CDK14: variants seen among roughly 807,000 people sequenced by gnomAD.
CDK14 encodes cyclin dependent kinase 14.
In CDK14, 34 loss-of-function variants were observed where a neutral mutation model predicts 60.7. That is an observed-to-expected ratio of 0.56 (90% CI 0.43 to 0.75). The LOEUF is 0.75. CDK14 is among the 30% of genes least tolerant of loss of function. The probability of loss-of-function intolerance (pLI) is 0.00; values close to 1 mark genes in which losing one functional copy is unlikely to be tolerated. For missense variants in CDK14, 482 were observed against 564.1 expected, an observed-to-expected ratio of 0.85 and a Z score of 1.47; for synonymous variants, 197 against 203.7, an observed-to-expected ratio of 0.97 and a Z score of 0.28.
At chr7:90,726,273 G>A (rs1239844047) in intron 2 of CDK14, 4 of 980,376 alleles carry the variant, frequency 4.1e-6, no homozygotes, top group Non-Finnish European at 4.8e-6. Flanking sequence ...ATGGTAAAAC[G>A]TGTGACAGAG....
intron 2 of CDK14, among the ~76,000 whole-genome samples, chr7:90,650,813 C>G (rs1483328739): frequency 6.6e-6 from 1 of 152,110 alleles, no homozygotes; most frequent in Non-Finnish European, 1.5e-5. Context: ...TTCCATTAGT[C>G]TATATATCTG....
rs1257994022 is a variant in CDK14 at position 91,207,532 on chromosome 7, ACTT to A, written c.*401_*403del. On this transcript the variant is annotated 3_prime_UTR_variant, in exon 15 of 15. Coordinates refer to ENST00000380050, the MANE Select transcript of CDK14 (RefSeq NM_001287135.2). ...TTAAGACAACACATTTGGTGTTCAC[ACTT>A]CTTCAGTAATGTCTGAACTTGAAAG... is the stretch of plus-strand genomic sequence containing the variant. 4 of 152,680 alleles carry A rather than the reference ACTT, an allele frequency of 2.6e-5. No homozygotes were observed. Among genetic ancestry groups the A allele is most frequent in the African/African-American group, 9.6e-5 (4 of 41,462 alleles). The allele number at this position is 152,680 out of a possible 1,614,324, so 9.5% of individuals were successfully genotyped here. A position where few individuals can be genotyped will look rare whatever the true frequency, so the allele number is the denominator to read the frequency against.
At chr7:91,186,660 T>C (rs950224300) in intron 14 of CDK14, among the ~76,000 whole-genome samples, 1 of 152,204 alleles carries the variant, frequency 6.6e-6, no homozygotes, top group African/African-American at 2.4e-5. Flanking sequence ...GTTAATTTTC[T>C]TCACCAGCAG....
rs13228595 is a variant in CDK14 at position 90,735,668 on chromosome 7, C to T, written c.369+8856C>T. Reference sequence around the variant, plus strand: ...CTCAAGCCTCAGCAAAGGCGATTCTCCCACCCCCACCTAGCTTAAGCGTCC... The same window carrying T: ...CTCAAGCCTCAGCAAAGGCGATTCTTCCACCCCCACCTAGCTTAAGCGTCC... On this transcript the variant is annotated intron_variant, in intron 3 of 14. Transcript: ENST00000380050. Among the ~76,000 whole-genome samples the T allele has an allele frequency of 7.1e-3, 1,080 of 152,320 alleles. 6 individuals carry two copies. Among genetic ancestry groups the T allele is most frequent in the South Asian group, 0.038 (184 of 4,828 alleles).
chr7:90,975,950 C>T (rs181005889), intron 9 of CDK14, among the ~76,000 whole-genome samples: 9 of 152,200 alleles, frequency 5.9e-5, no homozygotes, highest in Admixed American at 5.9e-4. Flanking sequence ...TTGTTGAACA[C>T]CTAGCTTCAT....
chr7:91,044,242 G>A (rs1029996879), intron 10 of CDK14, among the ~76,000 whole-genome samples: 1 of 152,204 alleles, frequency 6.6e-6, no homozygotes. Context: ...ACAACTGGAC[G>A]TGGGAGCTTC....
At chr7:91,103,515 T>A (rs1799200476) in intron 12 of CDK14, among the ~76,000 whole-genome samples, 1 of 152,182 alleles carries the variant, frequency 6.6e-6, no homozygotes, top group Non-Finnish European at 1.5e-5. Context: ...TGAGAGGCAC[T>A]GTTTGTTCCT....
chr7:90,794,201 C>T (rs1805953939), intron 5 of CDK14, among the ~76,000 whole-genome samples: 1 of 152,044 alleles, frequency 6.6e-6, no homozygotes, highest in Non-Finnish European at 1.5e-5. Context: ...TCACATGCTT[C>T]ACAAGGTAAT....
chr7:90,735,980 C>T (rs1803083691), intron 3 of CDK14, among the ~76,000 whole-genome samples: 3 of 152,224 alleles, frequency 2.0e-5, no homozygotes, highest in Non-Finnish European at 4.4e-5. Flanking sequence ...ATCTCCTGGT[C>T]TTCCGGTTGC....
intron 6 of CDK14, among the ~76,000 whole-genome samples, chr7:90,876,585 C>T (rs188574921): frequency 0.036 from 5,506 of 152,234 alleles, 108 homozygotes; most frequent in Non-Finnish European, 0.055. Flanking sequence ...CTAGGCTTTC[C>T]TCACTGCCAG....
intron 6 of CDK14, among the ~76,000 whole-genome samples, chr7:90,871,758 G>A (rs1386076349): frequency 1.3e-5 from 2 of 152,132 alleles, no homozygotes; most frequent in Admixed American, 1.3e-4. Context: ...GTAGATGTAA[G>A]GTCCCTTCAT....
rs572200331 is a variant in CDK14 at position 90,611,039 on chromosome 7, G to T, written c.123+6790G>T. On this transcript the variant is annotated intron_variant, in intron 2 of 14. Coordinates refer to ENST00000380050, the MANE Select transcript of CDK14 (RefSeq NM_001287135.2). ...CCTTTTTTCCCATTGATCTCAGAGG[G>T]GGTTTTGTCCTTTGTTTTGTTCCAG... 2.0e-5 allele frequency among the ~76,000 whole-genome samples: 3 copies of T among 152,164 alleles called. No homozygotes were observed. The South Asian group carries it at 6.2e-4, about 32-fold the overall frequency.
In CDK14 at chr7:90,887,330, A is replaced by G. The variant is rs17163318; in HGVS notation, c.640-11961A>G. Among the ~76,000 whole-genome samples the G allele has an allele frequency of 1.5e-3, 232 of 152,278 alleles. 3 individuals carry two copies. The highest frequency in any genetic ancestry group is 5.3e-3 in the African/African-American group (219 of 41,570). On this transcript the variant is annotated intron_variant, in intron 6 of 14. Transcript: ENST00000380050. ...ATACACTATATTGAAATAATTTAAA[A>G]ATACAGTTTTACTTAAATCACGGAG... is the stretch of plus-strand genomic sequence containing the variant.
chr7:90,895,328 TTCCTC>T (rs1266789751), intron 6 of CDK14, among the ~76,000 whole-genome samples: 17 of 58,386 alleles, frequency 2.9e-4, no homozygotes, highest in African/African-American at 6.2e-4. Context: ...TTCCTCTCCT[TTCCTC>T]TCCTCTCCTC....
chr7:90,820,016 G>A (rs1789485944), intron 5 of CDK14, among the ~76,000 whole-genome samples: 1 of 152,066 alleles, frequency 6.6e-6, no homozygotes, highest in African/African-American at 2.4e-5. Context: ...GTTTCATTAT[G>A]CCACACATTC....
At chr7:91,024,258 G>A (rs1465596905) in intron 10 of CDK14, among the ~76,000 whole-genome samples, 1 of 152,144 alleles carries the variant, frequency 6.6e-6, no homozygotes, top group East Asian at 1.9e-4. Flanking sequence ...AATCCAGTGA[G>A]GTAGGTAGTC....
chr7:91,121,846 T>C (rs1799790184), intron 14 of CDK14, among the ~76,000 whole-genome samples: 1 of 152,152 alleles, frequency 6.6e-6, no homozygotes, highest in Non-Finnish European at 1.5e-5. Context: ...ACATAGAAAT[T>C]TTCCCCAAGG....
At chr7:90,958,500 T>TTG (rs1167469819) in intron 9 of CDK14, among the ~76,000 whole-genome samples, 1 of 152,180 alleles carries the variant, frequency 6.6e-6, no homozygotes, top group East Asian at 1.9e-4. Flanking sequence ...CTAATCTATT[T>TTG]TGTCACACTT....
chr7:90,747,571 C>T (rs761237794), intron 3 of CDK14, 110 bp from the exon 4 acceptor site: 36 of 643,620 alleles, frequency 5.6e-5, no homozygotes, highest in Non-Finnish European at 9.8e-5. Flanking sequence ...CCAGAAAAAA[C>T]AGTTATTTAA....
Sources: allele counts gnomAD v4.1 joint callset (sites outside exome capture counted in the v4.1 genomes callset), GRCh38; gene constraint gnomAD v4.1.1; transcripts MANE v1.5; gene names NCBI Gene and HGNC (gene_info 2026-07-23, HGNC 2026-07-21).